Variants in GAN observed in about 807,000 individuals in gnomAD.
GAN encodes the protein epididymis secretory sperm binding protein.
GAN carries 48 observed loss-of-function variants against 71.3 expected under a neutral mutation model. The ratio of observed to expected loss-of-function variants is 0.67; its 90% confidence interval spans 0.53 to 0.86. GAN has a LOEUF of 0.86. Among genes scored for constraint, GAN ranks in the 40% least tolerant of loss-of-function variants. The pLI is 0.00. For synonymous variants in GAN, 386 were observed against 276.8 expected (o/e 1.39, Z -3.92); for missense variants, 928 against 770.1 (o/e 1.21, Z -2.43).
rs1442149435 is a variant in GAN at position 81,380,883 on chromosome 16, C to T, written c.*3287C>T. ...TCTGAATGCATTGTTTAGCTTAGTA[C>T]TTCATTGCTGTAAGGAATTGATAGC... On this transcript the variant is annotated 3_prime_UTR_variant, in exon 11 of 11. Transcript: ENST00000648994. 6.6e-6 allele frequency: 1 copy of T among 152,146 alleles called. No individual in the cohort carries two copies. The highest frequency in any genetic ancestry group is 6.5e-5 in the Admixed American group (1 of 15,276). 9.4% of individuals were successfully genotyped at this position (152,146 alleles called of 1,614,324 possible). A position where few individuals can be genotyped will look rare whatever the true frequency, so the allele number is the denominator to read the frequency against.
At position 81,388,600 on chromosome 16, in the gene GAN, T is replaced by G. The variant is rs1904472445; in HGVS notation, c.*11004T>G. The stretch of plus-strand genomic sequence containing the variant: ...GCAGGCAGGCACAGGCCCCGCTCAC[T>G]ACCTCAGCACCCAGTGCAGCCCCAG... On this transcript the variant is annotated 3_prime_UTR_variant, in exon 11 of 11. Transcript: ENST00000648994. 1 of 152,954 alleles carries G rather than the reference T, an allele frequency of 6.5e-6. No individual in the cohort carries two copies. 9.5% of individuals were successfully genotyped at this position (152,954 alleles called of 1,614,324 possible).
At position 81,352,282 on chromosome 16, in the gene GAN, C is replaced by G. The variant is rs16955120; in HGVS notation, c.282+585C>G. Among the ~76,000 whole-genome samples, 4 of 152,250 alleles carry G rather than the reference C, an allele frequency of 2.6e-5. No homozygotes were observed. The East Asian group carries it at 5.8e-4, about 22-fold the overall frequency. The stretch of plus-strand genomic sequence containing the variant: ...CTTCCCTCTCCATGTCCACTTGAAC[C>G]TCTGGGGACTTTGTGATACCCAGGG... On this transcript the variant is annotated intron_variant, in intron 2 of 10. Coordinates refer to ENST00000648994, the MANE Select transcript of GAN (RefSeq NM_022041.4).
chr16:81,335,749 A>AAC (rs1394941094), intron 1 of GAN, among the ~76,000 whole-genome samples: 1 of 151,394 alleles, frequency 6.6e-6, no homozygotes, highest in Admixed American at 6.6e-5. Context: ...TCAGTCTCAA[A>AAC]AAAAAAAAAA....
At position 81,389,310 on chromosome 16, in the gene GAN, G is replaced by A. The variant is rs1016242116; in HGVS notation, c.*11714G>A. 6.6e-5 allele frequency: 10 copies of A among 152,150 alleles called. No individual in the cohort carries two copies. Among genetic ancestry groups the A allele is most frequent in the Non-Finnish European group, 1.5e-4 (10 of 68,030 alleles). 9.4% of individuals were successfully genotyped at this position (152,150 alleles called of 1,614,324 possible). A position where few individuals can be genotyped will look rare whatever the true frequency, so the allele number is the denominator to read the frequency against. On this transcript the variant is annotated 3_prime_UTR_variant, in exon 11 of 11. Transcript: ENST00000648994. ...GGTCTTGTACCCCTTCAGTTCGCCG[G>A]CGACGTAATGGTGATACCCTTTGTT...
intron 2 of GAN, among the ~76,000 whole-genome samples, 166 bp from the exon 3 acceptor site, chr16:81,354,239 T>A (rs1263573309): frequency 4.3e-5 from 4 of 93,894 alleles, no homozygotes; most frequent in African/African-American, 2.1e-4. Context: ...TTCCAACTCT[T>A]GGAAAAAAAA....
intron 1 of GAN, among the ~76,000 whole-genome samples, chr16:81,339,171 G>A (rs1227667838): frequency 6.6e-6 from 1 of 152,188 alleles, no homozygotes; most frequent in Non-Finnish European, 1.5e-5. Flanking sequence ...GAGACCGACA[G>A]AATCCACATC....
At chr16:81,353,763 A>G (rs940794420) in intron 2 of GAN, among the ~76,000 whole-genome samples, 1 of 152,140 alleles carries the variant, frequency 6.6e-6, no homozygotes, top group Non-Finnish European at 1.5e-5. Context: ...ATTGAAGAAA[A>G]TTAAGGAAAA....
At chr16:81,371,284 G>A (rs1271304590) in intron 9 of GAN, among the ~76,000 whole-genome samples, 1 of 152,096 alleles carries the variant, frequency 6.6e-6, no homozygotes, top group Admixed American at 6.5e-5. Flanking sequence ...GTTAATTCCA[G>A]TATCTGAGTC....
Position 81,388,792 on chromosome 16 carries a change from C to G in GAN, c.*11196C>G, listed in dbSNP as rs1187546800. 6.6e-6 allele frequency: 1 copy of G among 152,250 alleles called. No individual in the cohort carries two copies. Among genetic ancestry groups the G allele is most frequent in the Non-Finnish European group, 1.5e-5 (1 of 68,062 alleles). The allele number at this position is 152,250 out of a possible 1,614,324, so 9.4% of individuals were successfully genotyped here. The stretch of plus-strand genomic sequence containing the variant: ...TTGTTTCCTTCTTTCCTCTTCAGCT[C>G]TGACTTAAAAACACACTATGTTCCA... On this transcript the variant is annotated 3_prime_UTR_variant, in exon 11 of 11. Coordinates refer to ENST00000648994, the MANE Select transcript of GAN (RefSeq NM_022041.4).
At position 81,342,312 on chromosome 16, in the gene GAN, C is replaced by T. The variant is rs539999123; in HGVS notation, c.168-9271C>T. On this transcript the variant is annotated intron_variant, in intron 1 of 10. Coordinates refer to ENST00000648994, the MANE Select transcript of GAN (RefSeq NM_022041.4). ...TAGACATCTACAGAACTCTCCACCC[C>T]AAATCAACAGAATATACATTCTTCT... Among the ~76,000 whole-genome samples the T allele has an allele frequency of 5.9e-5, 9 of 152,290 alleles. No individual in the cohort carries two copies. The South Asian group carries it at 1.9e-3, about 32-fold the overall frequency.
intron 1 of GAN, among the ~76,000 whole-genome samples, chr16:81,329,614 T>G (rs1249641542): frequency 1.3e-5 from 2 of 152,198 alleles, no homozygotes; most frequent in African/African-American, 4.8e-5. Context: ...AAGTGAAAAC[T>G]TAAGTGTTTA....
At chr16:81,317,811 TAC>T (rs1909095265) in intron 1 of GAN, among the ~76,000 whole-genome samples, 1 of 152,236 alleles carries the variant, frequency 6.6e-6, no homozygotes, top group Admixed American at 6.5e-5. Flanking sequence ...CAAGCACTTT[TAC>T]ATACTGTGTC....
chr16:81,350,556 C>G (rs1337984690), intron 1 of GAN, among the ~76,000 whole-genome samples: 1 of 149,984 alleles, frequency 6.7e-6, no homozygotes, highest in Non-Finnish European at 1.5e-5. Flanking sequence ...CGCTCTGTCA[C>G]CTAGGCTGGA....
intron 1 of GAN, among the ~76,000 whole-genome samples, chr16:81,315,685 C>A (rs1051003818): frequency 6.6e-5 from 10 of 152,322 alleles, no homozygotes; most frequent in African/African-American, 2.4e-4. Context: ...GAAGAGTCAC[C>A]CCCTCGCCCA....
intron 1 of GAN, among the ~76,000 whole-genome samples, chr16:81,337,130 A>G (rs1162402778): frequency 6.6e-6 from 1 of 152,104 alleles, no homozygotes; most frequent in African/African-American, 2.4e-5. Context: ...TGAAGACAAA[A>G]AAGCAGTTGG....
intron 9 of GAN, among the ~76,000 whole-genome samples, chr16:81,376,573 A>ATG (rs112005801): frequency 0.082 from 12,216 of 148,962 alleles, 920 homozygotes; most frequent in African/African-American, 0.19. Context: ...ATATGTGTAT[A>ATG]TGTGTATATA....
At chr16:81,375,236 A>T (rs1292001679) in intron 9 of GAN, among the ~76,000 whole-genome samples, 1 of 151,820 alleles carries the variant, frequency 6.6e-6, no homozygotes. Context: ...TATCCACAGG[A>T]TATAAAGAAT....
At chr16:81,358,283 T>A (rs915774237) in intron 5 of GAN, among the ~76,000 whole-genome samples, 1 of 152,176 alleles carries the variant, frequency 6.6e-6, no homozygotes, top group Non-Finnish European at 1.5e-5. Context: ...TCTTTGAAAT[T>A]CATGCAGCTT....
intron 5 of GAN, among the ~76,000 whole-genome samples, chr16:81,361,092 G>A (rs568134091): frequency 6.6e-6 from 1 of 152,174 alleles, no homozygotes. Context: ...GTATGTGGTG[G>A]CATGTGCCTG....
Sources: allele counts gnomAD v4.1 joint callset (sites outside exome capture counted in the v4.1 genomes callset), GRCh38; gene constraint gnomAD v4.1.1; transcripts MANE v1.5; gene names NCBI Gene and HGNC (gene_info 2026-07-23, HGNC 2026-07-21).